Variants in HYCC2 observed in about 807,000 individuals in gnomAD.
HYCC2 encodes hyccin PI4KA lipid kinase complex subunit 2, also known as hyccin 2.
the HYCC2 span, among the ~76,000 whole-genome samples, chr2:201,033,175 GT>G: frequency 6.9e-6 from 1 of 144,780 alleles, no homozygotes; most frequent in African/African-American, 2.6e-5. Flanking sequence ...GTGTGTGTGT[GT>G]GTGTGTGTGT....
At chr2:200,979,659 C>G in the HYCC2 span, 1 of 152,550 alleles carries the variant, frequency 6.6e-6, no homozygotes, top group South Asian at 2.1e-4. Context: ...TTTTCTTAAA[C>G]AATAATCAAG....
At chr2:201,025,267 C>T in the HYCC2 span, among the ~76,000 whole-genome samples, 284 of 152,248 alleles carry the variant, frequency 1.9e-3, 3 homozygotes, top group African/African-American at 6.6e-3. Context: ...AAAAGGGATT[C>T]CGTAAGAATT....
chr2:201,029,294 A>C, the HYCC2 span, among the ~76,000 whole-genome samples: 1 of 152,036 alleles, frequency 6.6e-6, no homozygotes, highest in Non-Finnish European at 1.5e-5. Flanking sequence ...GACCATCAGA[A>C]AATCAGGAAA....
the HYCC2 span, among the ~76,000 whole-genome samples, chr2:201,029,371 C>T: frequency 3.3e-5 from 5 of 152,092 alleles, no homozygotes; most frequent in South Asian, 2.1e-4. Context: ...GACAGTGCAG[C>T]GATTCCTCAA....
chr2:201,041,282 C>A, the HYCC2 span, among the ~76,000 whole-genome samples: 1 of 152,200 alleles, frequency 6.6e-6, no homozygotes, highest in Non-Finnish European at 1.5e-5. Flanking sequence ...AGATTTGAAT[C>A]TAATGCCATA....
At chr2:201,007,313 C>T in the HYCC2 span, among the ~76,000 whole-genome samples, 1 of 152,184 alleles carries the variant, frequency 6.6e-6, no homozygotes, top group Non-Finnish European at 1.5e-5. Context: ...ATAGTCCAGC[C>T]TACCTTAAAT....
chr2:201,000,225 A>C, the HYCC2 span, among the ~76,000 whole-genome samples: 2 of 151,858 alleles, frequency 1.3e-5, 1 homozygote, highest in South Asian at 4.2e-4. Flanking sequence ...TAATTTTTTT[A>C]ATTAGCGGGC....
the HYCC2 span, among the ~76,000 whole-genome samples, chr2:201,013,744 G>A: frequency 4.6e-5 from 7 of 152,258 alleles, no homozygotes; most frequent in East Asian, 1.4e-3. Flanking sequence ...TAAGATGAAT[G>A]GGCCTGATTT....
the HYCC2 span, among the ~76,000 whole-genome samples, chr2:201,036,898 C>A: frequency 2.2e-4 from 34 of 152,216 alleles, no homozygotes; most frequent in African/African-American, 7.9e-4. Flanking sequence ...CTGGCCAGGG[C>A]AATCAGGCAA....
the HYCC2 span, among the ~76,000 whole-genome samples, chr2:201,048,932 C>T: frequency 6.6e-6 from 1 of 151,556 alleles, no homozygotes; most frequent in South Asian, 2.1e-4. Flanking sequence ...GGCAACATGG[C>T]GAAACCCATT....
chr2:201,026,155 G>A, the HYCC2 span, among the ~76,000 whole-genome samples: 3 of 152,056 alleles, frequency 2.0e-5, no homozygotes, highest in African/African-American at 7.2e-5. Flanking sequence ...AAAAGCAGGG[G>A]TTGCAAACCT....
chr2:201,000,306 C>A, the HYCC2 span, among the ~76,000 whole-genome samples: 2 of 150,696 alleles, frequency 1.3e-5, no homozygotes, highest in Non-Finnish European at 3.0e-5. Context: ...CACCTGAGCT[C>A]AGGGGTTCTA....
the HYCC2 span, chr2:200,997,627 T>A: frequency 2.6e-6 from 2 of 776,162 alleles, no homozygotes; most frequent in South Asian, 3.2e-5. Context: ...ATATTGACCT[T>A]TATGATTTCT....
At chr2:201,028,658 C>G in the HYCC2 span, among the ~76,000 whole-genome samples, 1 of 152,122 alleles carries the variant, frequency 6.6e-6, no homozygotes, top group Non-Finnish European at 1.5e-5. Flanking sequence ...GAAATAACAC[C>G]ACACATCTAC....
chr2:200,977,977 T>C, the HYCC2 span: 3 of 152,236 alleles, frequency 2.0e-5, no homozygotes, highest in East Asian at 1.9e-4. Context: ...CAACTTGGCA[T>C]ACATGGCACC....
the HYCC2 span, among the ~76,000 whole-genome samples, chr2:201,005,871 C>T: frequency 3.3e-4 from 50 of 152,218 alleles, no homozygotes; most frequent in African/African-American, 1.1e-3. Context: ...TTCACTCTGT[C>T]GCCAAGGCTG....
the HYCC2 span, among the ~76,000 whole-genome samples, chr2:201,045,951 T>G: frequency 3.9e-5 from 6 of 152,162 alleles, no homozygotes; most frequent in Non-Finnish European, 8.8e-5. Flanking sequence ...CAGTGATTTT[T>G]CTTTCTCTCT....
chr2:201,046,486 A>T, the HYCC2 span, among the ~76,000 whole-genome samples: 1 of 152,156 alleles, frequency 6.6e-6, no homozygotes, highest in Non-Finnish European at 1.5e-5. Flanking sequence ...AGAGACTGGT[A>T]GTACTTTGAG....
the HYCC2 span, among the ~76,000 whole-genome samples, chr2:201,052,631 G>GA: frequency 2.0e-5 from 3 of 152,160 alleles, no homozygotes; most frequent in Non-Finnish European, 4.4e-5. Flanking sequence ...AAGAAAGAAA[G>GA]AAAGTACATG....
Sources: gnomAD v4.1 joint callset for allele counts (sites outside exome capture counted in the v4.1 genomes callset) on GRCh38, gnomAD v4.1.1 for gene constraint, MANE v1.5 for transcripts, NCBI Gene and HGNC (gene_info 2026-07-23, HGNC 2026-07-21) for gene names.